Variants in NLK observed in about 807,000 individuals in gnomAD.
NLK encodes serine/threonine-protein kinase NLK.
A neutral mutation model predicts 59.0 loss-of-function variants in NLK; 11 were observed. That is an observed-to-expected ratio of 0.19 (90% CI 0.12 to 0.31). The LOEUF is 0.31. Ranked by LOEUF, NLK falls within the 10% of genes least tolerant of loss-of-function variation. The pLI is 1.00. For missense variants in NLK, 410 were observed against 661.1 expected, an observed-to-expected ratio of 0.62 and a Z score of 4.16; for synonymous variants, 235 against 235.9, an observed-to-expected ratio of 1.00 and a Z score of 0.03.
chr17:28,202,947 G>T, the NLK span, among the ~76,000 whole-genome samples: 167 of 151,812 alleles, frequency 1.1e-3, 2 homozygotes, highest in African/African-American at 3.6e-3. Context: ...CTCCCAAAGT[G>T]CCAGGATTAC....
intron 3 of NLK, among the ~76,000 whole-genome samples, chr17:28,158,618 A>G (rs1000703757): frequency 1.3e-5 from 2 of 152,150 alleles, no homozygotes; most frequent in African/African-American, 4.8e-5. Flanking sequence ...GACATTGTAC[A>G]GCTGTACAAA....
Position 28,065,674 on chromosome 17 carries a change from C to T in NLK, c.458+22343C>T, listed in dbSNP as rs934748547. On this transcript the variant is annotated intron_variant, in intron 1 of 10. Coordinates refer to ENST00000407008, the MANE Select transcript of NLK (RefSeq NM_016231.5). ...GTAGTAGTCTAGGTGAATGTTCCTC[C>T]TAGTGTGGACCCAAACTTTATTACA... is the stretch of plus-strand genomic sequence containing the variant. Among the ~76,000 whole-genome samples, 3 of 152,098 alleles carry T rather than the reference C, an allele frequency of 2.0e-5. No individual in the cohort carries two copies. The East Asian group carries it at 5.8e-4, about 29-fold the overall frequency.
intron 1 of NLK, among the ~76,000 whole-genome samples, chr17:28,121,427 G>A (rs1271120145): frequency 2.7e-5 from 4 of 147,256 alleles, no homozygotes; most frequent in Middle Eastern, 7.4e-3. Flanking sequence ...TTCATGGAAA[G>A]TCAGTTTGCC....
chr17:28,046,459 T>G (rs1909054364), intron 1 of NLK, among the ~76,000 whole-genome samples: 2 of 152,196 alleles, frequency 1.3e-5, no homozygotes, highest in Admixed American at 1.3e-4. Context: ...AGAATGTTGT[T>G]TATGGGTTAT....
chr17:28,126,028 T>A (rs1906277254), intron 2 of NLK, among the ~76,000 whole-genome samples: 1 of 152,212 alleles, frequency 6.6e-6, no homozygotes, highest in Non-Finnish European at 1.5e-5. Flanking sequence ...AGAGCCCATA[T>A]TCATTAATTC....
intron 3 of NLK, among the ~76,000 whole-genome samples, chr17:28,146,382 T>TTGATGATGATGA (rs10633971): frequency 1.3e-5 from 2 of 150,480 alleles, no homozygotes; most frequent in South Asian, 2.1e-4. Context: ...TATAACGATG[T>TTGATGATGATGA]TGATGATGAT....
the NLK span, among the ~76,000 whole-genome samples, chr17:28,201,740 G>A: frequency 6.6e-6 from 1 of 152,128 alleles, no homozygotes; most frequent in Non-Finnish European, 1.5e-5. Flanking sequence ...ATCAGGCAGG[G>A]CACAGTGGCT....
intron 2 of NLK, among the ~76,000 whole-genome samples, chr17:28,124,585 C>T (rs1906212563): frequency 6.6e-6 from 1 of 152,054 alleles, no homozygotes; most frequent in Non-Finnish European, 1.5e-5. Flanking sequence ...ACTACCAGTT[C>T]CTCAGATTTT....
chr17:28,113,706 C>G (rs1190200089), intron 1 of NLK, among the ~76,000 whole-genome samples: 1 of 152,132 alleles, frequency 6.6e-6, no homozygotes, highest in African/African-American at 2.4e-5. Flanking sequence ...TGCTGACCTC[C>G]TATCTCATCC....
intron 1 of NLK, among the ~76,000 whole-genome samples, chr17:28,095,653 A>G (rs1904675532): frequency 6.6e-6 from 1 of 152,182 alleles, no homozygotes; most frequent in Non-Finnish European, 1.5e-5. Context: ...CAATTACAAT[A>G]TATATATTTG....
chr17:28,059,884 T>C (rs1190109774), intron 1 of NLK, among the ~76,000 whole-genome samples: 1 of 152,228 alleles, frequency 6.6e-6, no homozygotes, highest in Non-Finnish European at 1.5e-5. Flanking sequence ...ATTTTCATCA[T>C]ACAGATAAAA....
At chr17:28,144,431 A>G (rs576193428) in intron 3 of NLK, among the ~76,000 whole-genome samples, 1 of 150,992 alleles carries the variant, frequency 6.6e-6, no homozygotes, top group East Asian at 2.0e-4. Context: ...GCTTGAATCT[A>G]GTCTTTTCAC....
intron 1 of NLK, among the ~76,000 whole-genome samples, chr17:28,115,213 T>C (rs1360192734): frequency 6.6e-6 from 1 of 151,898 alleles, no homozygotes; most frequent in Non-Finnish European, 1.5e-5. Context: ...AGGAAGCCCA[T>C]AGGAGGTGCA....
rs186908207 is a variant in NLK, at chr17:28,047,834, A to G, written c.458+4503A>G. 139 of 395,756 alleles carry G rather than the reference A, an allele frequency of 3.5e-4. 1 individual carries two copies. In the East Asian group the frequency reaches 4.6e-3, roughly 13 times the overall value. The allele number at this position is 395,756 out of a possible 1,614,324, so 24.5% of individuals were successfully genotyped here. A position where few individuals can be genotyped will look rare whatever the true frequency, so the allele number is the denominator to read the frequency against. On this transcript the variant is annotated intron_variant, in intron 1 of 10. Transcript: ENST00000407008. ...GAAAAATGCAGAATGCTTTTGGGAT[A>G]TGTTTGGGGAAAATCCTGGAGTAAG... is the stretch of plus-strand genomic sequence containing the variant.
At chr17:28,119,441 C>G (rs1209598585) in intron 1 of NLK, among the ~76,000 whole-genome samples, 1 of 152,082 alleles carries the variant, frequency 6.6e-6, no homozygotes, top group Non-Finnish European at 1.5e-5. Context: ...GGGTTTATCT[C>G]CTTTATTATG....
rs751807358 is a variant in NLK at position 28,168,519 on chromosome 17, T to A, written c.909T>A (p.Thr303=). Reference sequence around the variant, plus strand: ...GTCATATGACTCAGGAAGTTGTTACTCAGTATTATCGGGCTCCAGAAATCC... The same window carrying A: ...GTCATATGACTCAGGAAGTTGTTACACAGTATTATCGGGCTCCAGAAATCC... ...ESRHMTQEVV[T]QYYRAPEILM... Residue 303 remains threonine, a synonymous_variant, in exon 6 of 11, where the codon ACT becomes ACA. Transcript: ENST00000407008. 1 of 1,613,700 alleles carries A rather than the reference T, an allele frequency of 6.2e-7. No homozygotes were observed. The highest frequency in any genetic ancestry group is 1.3e-5 in the African/African-American group (1 of 74,914).
At chr17:28,071,313 G>A (rs1909999904) in intron 1 of NLK, among the ~76,000 whole-genome samples, 1 of 152,036 alleles carries the variant, frequency 6.6e-6, no homozygotes, top group Non-Finnish European at 1.5e-5. Context: ...GAATTAGCTT[G>A]TCAGTTTCTT....
In NLK at chr17:28,183,370, C is replaced by G. The variant is rs192289908; in HGVS notation, c.1150-1809C>G. Reference sequence around the variant, plus strand: ...TGTTTTTAGAATCTCACTCTGTCACCCAGGCTAGAGTGCAGTGGCATAAGC... The same window carrying G: ...TGTTTTTAGAATCTCACTCTGTCACGCAGGCTAGAGTGCAGTGGCATAAGC... On this transcript the variant is annotated intron_variant, in intron 7 of 10. Transcript: ENST00000407008. 9.1e-4 allele frequency among the ~76,000 whole-genome samples: 138 copies of G among 152,218 alleles called. 1 individual carries two copies. Among genetic ancestry groups the G allele is most frequent in the African/African-American group, 3.2e-3 (133 of 41,526 alleles).
intron 5 of NLK, among the ~76,000 whole-genome samples, chr17:28,164,025 T>C (rs911579067): frequency 2.6e-5 from 4 of 152,186 alleles, no homozygotes; most frequent in Admixed American, 6.5e-5. Context: ...CTAACATATC[T>C]ATATGCTGTT....
Sources: gnomAD v4.1 joint callset for allele counts (sites outside exome capture counted in the v4.1 genomes callset) on GRCh38, gnomAD v4.1.1 for gene constraint, MANE v1.5 for transcripts, NCBI Gene and HGNC (gene_info 2026-07-23, HGNC 2026-07-21) for gene names.